Variants in ARHGEF17 observed in about 807,000 individuals in gnomAD.
ARHGEF17 encodes the protein 164 kDa Rho-specific guanine-nucleotide exchange factor.
Under a neutral mutation model 174.0 loss-of-function variants are expected in ARHGEF17, and 80 were observed. The observed-to-expected ratio is 0.46, with a 90% CI of 0.38 to 0.55. The LOEUF (loss-of-function observed/expected upper bound fraction) is 0.55, where lower values mean the gene tolerates loss of function less well. Among genes scored for constraint, ARHGEF17 ranks in the 20% least tolerant of loss-of-function variants. The pLI is 0.00. For missense variants in ARHGEF17, 2,886 were observed against 2,839.7 expected (o/e 1.02, Z -0.37); for synonymous variants, 1,311 against 1,189.1 (o/e 1.10, Z -2.11).
At chr11:73,313,443 CAGGG>C (rs978974513) in intron 1 of ARHGEF17, among the ~76,000 whole-genome samples, 3 of 152,158 alleles carry the variant, frequency 2.0e-5, no homozygotes, top group African/African-American at 7.2e-5. Flanking sequence ...CCAAGGGACT[CAGGG>C]AGACTGAAGG....
intron 1 of ARHGEF17, among the ~76,000 whole-genome samples, chr11:73,335,817 A>G (rs116491138): frequency 0.01 from 1,564 of 152,262 alleles, 17 homozygotes; most frequent in African/African-American, 0.036. Flanking sequence ...TTTAGAATCC[A>G]TCTACACCTT....
At chr11:73,327,398 T>C (rs1350555960) in intron 1 of ARHGEF17, among the ~76,000 whole-genome samples, 1 of 152,202 alleles carries the variant, frequency 6.6e-6, no homozygotes, top group Non-Finnish European at 1.5e-5. Flanking sequence ...CAGGAAGGAA[T>C]TCCCCAGAGT....
chr11:73,354,620 G>A (rs1192541216), intron 3 of ARHGEF17, among the ~76,000 whole-genome samples: 3 of 152,048 alleles, frequency 2.0e-5, no homozygotes, highest in Admixed American at 6.5e-5. Context: ...AGGCTGAGGC[G>A]GGAGAATCGC....
At chr11:73,338,557 ATCT>A (rs973812708) in intron 1 of ARHGEF17, among the ~76,000 whole-genome samples, 2 of 152,042 alleles carry the variant, frequency 1.3e-5, no homozygotes, top group Admixed American at 6.5e-5. Flanking sequence ...AGGGAAGAGG[ATCT>A]TCTTTGACTC....
intron 1 of ARHGEF17, among the ~76,000 whole-genome samples, chr11:73,326,993 T>G (rs1865112515): frequency 6.6e-6 from 1 of 152,176 alleles, no homozygotes; most frequent in African/African-American, 2.4e-5. Context: ...CTCTGCAGGC[T>G]CAGAAGGGCA....
chr11:73,313,561 C>T (rs1186862869), intron 1 of ARHGEF17, among the ~76,000 whole-genome samples: 1 of 152,192 alleles, frequency 6.6e-6, no homozygotes, highest in African/African-American at 2.4e-5. Flanking sequence ...CCTCTACCCC[C>T]CACCCCTTTC....
intron 1 of ARHGEF17, among the ~76,000 whole-genome samples, chr11:73,337,612 G>A (rs1865307145): frequency 6.6e-6 from 1 of 151,974 alleles, no homozygotes; most frequent in African/African-American, 2.4e-5. Flanking sequence ...TAGAGATGAG[G>A]TCTCCCTGTG....
At chr11:73,345,229 A>AGAGGCTCT (rs1865440464) in intron 1 of ARHGEF17, among the ~76,000 whole-genome samples, 1 of 152,056 alleles carries the variant, frequency 6.6e-6, no homozygotes, top group Non-Finnish European at 1.5e-5. Context: ...GCTTGTCTCC[A>AGAGGCTCT]GAGGCTCTGA....
chr11:73,331,265 TA>T (rs1051799171), intron 1 of ARHGEF17, among the ~76,000 whole-genome samples: 1 of 152,158 alleles, frequency 6.6e-6, no homozygotes, highest in African/African-American at 2.4e-5. Context: ...CCCTAGCCCT[TA>T]CCCATGTCTC....
chr11:73,343,270 A>G (rs1409931265), intron 1 of ARHGEF17: 1 of 398,254 alleles, frequency 2.5e-6, no homozygotes, highest in Non-Finnish European at 4.4e-6. Context: ...GAGCCTGGGG[A>G]GGCCCAGGTA....
intron 2 of ARHGEF17, among the ~76,000 whole-genome samples, chr11:73,349,521 C>T (rs1865518626): frequency 6.6e-6 from 1 of 152,112 alleles, no homozygotes; most frequent in Non-Finnish European, 1.5e-5. Flanking sequence ...GAGGCTGAGG[C>T]AGGAGAATAG....
chr11:73,347,915 T>TG (rs941779951), intron 2 of ARHGEF17, among the ~76,000 whole-genome samples: 2 of 151,956 alleles, frequency 1.3e-5, no homozygotes, highest in African/African-American at 2.4e-5. Context: ...TGGTTGGTTG[T>TG]GGGGGGCAAG....
intron 1 of ARHGEF17, among the ~76,000 whole-genome samples, chr11:73,319,371 C>T (rs958757168): frequency 2.0e-5 from 3 of 152,194 alleles, no homozygotes; most frequent in Non-Finnish European, 4.4e-5. Context: ...CTCCTTCCTC[C>T]TTCTTTAAGA....
At chr11:73,324,436 C>T (rs988787568) in intron 1 of ARHGEF17, among the ~76,000 whole-genome samples, 2 of 152,220 alleles carry the variant, frequency 1.3e-5, no homozygotes, top group Non-Finnish European at 2.9e-5. Flanking sequence ...CCACCCATGC[C>T]TATGCCTAGC....
Position 73,308,828 on chromosome 11 carries a change from G to A in ARHGEF17, c.190G>A (p.Gly64Arg). The change falls in exon 1 of 21, where the codon GGG (glycine) becomes AGG (arginine). Residue 64 changes from glycine to arginine, a missense_variant. Gly to Arg is a moderately radical substitution (Grantham distance 125). This residue lies in a region of ARHGEF17 where 1,728 missense variants were observed against 1,461.2 expected (regional missense o/e 1.18). Coordinates refer to ENST00000263674, the MANE Select transcript of ARHGEF17 (RefSeq NM_014786.4). ...PSRRVSKLAS[G>R]PLAAPAQPRP... ...TCGGCGCGTGTCCAAGCTGGCGTCT[G>A]GGCCCCTGGCCGCCCCCGCGCAGCC... The A allele has an allele frequency of 1.5e-6, 2 of 1,343,968 alleles. No individual in the cohort carries two copies. Among genetic ancestry groups the A allele is most frequent in the Non-Finnish European group, 1.9e-6 (2 of 1,054,494 alleles). The allele number at this position is 1,343,968 out of a possible 1,614,324, so 83.3% of individuals were successfully genotyped here.
intron 17 of ARHGEF17, 105 bp from the exon 18 acceptor site, chr11:73,364,347 G>C (rs1865801907): frequency 6.2e-7 from 1 of 1,603,682 alleles, no homozygotes; most frequent in South Asian, 1.1e-5. Flanking sequence ...GTGGGCCTTG[G>C]TTTCTTTGCT....
In ARHGEF17 at chr11:73,311,055, G is replaced by C; in HGVS notation, c.2417G>C (p.Gly806Ala). The C allele has an allele frequency of 6.2e-7, 1 of 1,610,816 alleles. No homozygotes were observed. ...GAGGTTATTCAGAGCATAGTTCAGG[G>C]GCCTGGCACCCTGGGGCGTGTGGTG... Reference protein sequence around the residue: ...YQEVIQSIVQGPGTLGRVVDD... With the variant: ...YQEVIQSIVQAPGTLGRVVDD... The change falls in exon 1 of 21, where the codon GGG becomes GCG. Residue 806 changes from glycine to alanine, a missense_variant. Physicochemically the swap from Gly to Ala is moderately conservative, Grantham distance 60 (BLOSUM62 0). Coordinates refer to ENST00000263674, the MANE Select transcript of ARHGEF17 (RefSeq NM_014786.4).
rs996005239 is a variant in ARHGEF17, at chr11:73,352,810, C to T, written c.3271-20C>T. 5 of 1,613,168 alleles carry T rather than the reference C, an allele frequency of 3.1e-6. No homozygotes were observed. Among genetic ancestry groups the T allele is most frequent in the Admixed American group, 1.7e-5 (1 of 60,000 alleles). On this transcript the variant is annotated intron_variant, in intron 2 of 20. Coordinates refer to ENST00000263674, the MANE Select transcript of ARHGEF17 (RefSeq NM_014786.4). ...GCGGCATCTCTGAGGGAGTGTGCAC[C>T]GACCCTGTGGGTCCTTCAGGGCTAC...
At chr11:73,359,313 A>C (rs569647770) in intron 9 of ARHGEF17, among the ~76,000 whole-genome samples, 72 of 152,358 alleles carry the variant, frequency 4.7e-4, no homozygotes, top group African/African-American at 1.7e-3. Context: ...TGTGCGTCCC[A>C]AGCCTTGGGT....
Sources: allele counts gnomAD v4.1 joint callset (sites outside exome capture counted in the v4.1 genomes callset), GRCh38; gene constraint gnomAD v4.1.1; regional missense constraint gnomAD v4.1.1; transcripts MANE v1.5; gene names NCBI Gene and HGNC (gene_info 2026-07-23, HGNC 2026-07-21).